POP7: variants seen among roughly 807,000 people sequenced by gnomAD.
POP7 encodes the protein ribonuclease P protein subunit p20.
POP7 carries 5 observed loss-of-function variants against 7.5 expected under a neutral mutation model. The observed-to-expected ratio is 0.66, with a 90% CI of 0.35 to 1.40. The LOEUF is 1.40. Ranked by LOEUF, POP7 falls within the 40% of genes most tolerant of loss-of-function variation. The pLI is 0.04. For missense variants in POP7, 170 were observed against 189.1 expected (o/e 0.90, Z 0.59); for synonymous variants, 85 against 81.6 (o/e 1.04, Z -0.23).
Position 100,707,058 on chromosome 7 carries a change from G to GGCCATCAACCGC in POP7, c.238_249dup (p.Arg80_Asn83dup). 4 of 1,614,074 alleles carry GGCCATCAACCGC rather than the reference G, an allele frequency of 2.5e-6. No homozygotes were observed. Among genetic ancestry groups the GGCCATCAACCGC allele is most frequent in the Non-Finnish European group, 2.5e-6 (3 of 1,180,052 alleles). ...AGATCTACATTCACGGCTTGGGCCT[G>GGCCATCAACCGC]GCCATCAACCGCGCCATCAACATCG... On this transcript the variant is annotated inframe_insertion, in exon 2 of 2. Coordinates refer to ENST00000303151, the MANE Select transcript of POP7 (RefSeq NM_005837.3).
Position 100,707,441 on chromosome 7 carries a change from G to A in POP7, c.*188G>A, listed in dbSNP as rs1002349287. 6.4e-5 allele frequency: 41 copies of A among 641,232 alleles called. No homozygotes were observed. The highest frequency in any genetic ancestry group is 7.9e-5 in the Non-Finnish European group (29 of 366,686). The allele number at this position is 641,232 out of a possible 1,614,324, so 39.7% of individuals were successfully genotyped here. Reference sequence around the variant, plus strand: ...TGGGCCTTCCTGAGTGTGTGTATGCGGTCTGTAACTATTGCCATATAAATA... The same window carrying A: ...TGGGCCTTCCTGAGTGTGTGTATGCAGTCTGTAACTATTGCCATATAAATA... On this transcript the variant is annotated 3_prime_UTR_variant, in exon 2 of 2. Transcript: ENST00000303151.
chr7:100,707,387 G>A lies in POP7; in HGVS notation c.*134G>A. ...CAAAGGACTCTGCATTGAGGGTGGG[G>A]GTAATTGTCTCTTGGTGGGCCCAGT... is the stretch of plus-strand genomic sequence containing the variant. On this transcript the variant is annotated 3_prime_UTR_variant, in exon 2 of 2. Coordinates refer to ENST00000303151, the MANE Select transcript of POP7 (RefSeq NM_005837.3). 9.2e-7 allele frequency: 1 copy of A among 1,088,224 alleles called. No individual in the cohort carries two copies. The highest frequency in any genetic ancestry group is 1.3e-6 in the Non-Finnish European group (1 of 766,294). The allele number at this position is 1,088,224 out of a possible 1,614,324, so 67.4% of individuals were successfully genotyped here.
chr7:100,706,864 G>A lies in POP7; in HGVS notation c.34G>A (p.Glu12Lys). Residue 12 changes from glutamate to lysine, a missense_variant, in exon 2 of 2, where the codon GAG becomes AAG. By Grantham distance (56) the Glu-to-Lys change is moderately conservative. Coordinates refer to ENST00000303151, the MANE Select transcript of POP7 (RefSeq NM_005837.3). ...AAACCGAGAGCCCCGCGGTGCTGTG[G>A]AGGCTGAACTGGATCCAGTGGAATA... is the stretch of plus-strand genomic sequence containing the variant. ...AENREPRGAV[E>K]AELDPVEYTL... 4 of 1,613,936 alleles carry A rather than the reference G, an allele frequency of 2.5e-6. No individual in the cohort carries two copies. Among genetic ancestry groups the A allele is most frequent in the Non-Finnish European group, 2.5e-6 (3 of 1,180,018 alleles).
chr7:100,706,131 C>G lies in POP7; in HGVS notation c.-184C>G, dbSNP rs1053617447. 1 of 152,514 alleles carries G rather than the reference C, an allele frequency of 6.6e-6. No individual in the cohort carries two copies. Among genetic ancestry groups the G allele is most frequent in the African/African-American group, 2.4e-5 (1 of 41,478 alleles). The allele number at this position is 152,514 out of a possible 1,614,324, so 9.4% of individuals were successfully genotyped here. The stretch of plus-strand genomic sequence containing the variant: ...CGGGCGCGCGTGCGCACTCCGCAGC[C>G]CGTTCAGGACCCCGGCGCGGGCAGG... On this transcript the variant is annotated 5_prime_UTR_variant, in exon 1 of 2. Transcript: ENST00000303151.
At position 100,706,911 on chromosome 7, in the gene POP7, C is replaced by G; in HGVS notation, c.81C>G (p.Pro27=). Residue 27 remains proline (P), a synonymous_variant, in exon 2 of 2, where the codon CCC becomes CCG. Transcript: ENST00000303151. ...PVEYTLRKRL[P]SRLPRRPNDI... ...AATACACCCTTAGGAAAAGGCTTCC[C>G]AGCCGCCTGCCCCGGAGACCCAATG... 6.2e-7 allele frequency: 1 copy of G among 1,613,992 alleles called. No homozygotes were observed. The highest frequency in any genetic ancestry group is 1.1e-5 in the South Asian group (1 of 91,076).
rs2131431070 is a variant in POP7 at position 100,706,151 on chromosome 7, GGCAGGGCGCCCACGA to G, written c.-161_-147del. The G allele has an allele frequency of 6.5e-6, 1 of 152,792 alleles. No individual in the cohort carries two copies. Among genetic ancestry groups the G allele is most frequent in the African/African-American group, 2.4e-5 (1 of 41,604 alleles). The allele number at this position is 152,792 out of a possible 1,614,324, so 9.5% of individuals were successfully genotyped here. On this transcript the variant is annotated 5_prime_UTR_variant, in exon 1 of 2. Coordinates refer to ENST00000303151, the MANE Select transcript of POP7 (RefSeq NM_005837.3). ...GCAGCCCGTTCAGGACCCCGGCGCG[GGCAGGGCGCCCACGA>G]GCTGGCTGGCTGCTTGCACCCACAT...
Position 100,707,305 on chromosome 7 carries a change from C to A in POP7, c.*52C>A. Reference sequence around the variant, plus strand: ...CCTCCGTGATATGGCTCTTCGCATGCTGAGTACTGGACCTCGGACCAGAGC... The same window carrying A: ...CCTCCGTGATATGGCTCTTCGCATGATGAGTACTGGACCTCGGACCAGAGC... On this transcript the variant is annotated 3_prime_UTR_variant, in exon 2 of 2. Transcript: ENST00000303151. 1 of 1,560,050 alleles carries A rather than the reference C, an allele frequency of 6.4e-7. No homozygotes were observed.
Position 100,707,318 on chromosome 7 carries a change from C to T in POP7, c.*65C>T. 5 of 1,514,522 alleles carry T rather than the reference C, an allele frequency of 3.3e-6. No homozygotes were observed. In the South Asian group the frequency reaches 5.0e-5, roughly 15 times the overall value. The allele number at this position is 1,514,522 out of a possible 1,614,324, so 93.8% of individuals were successfully genotyped here. On this transcript the variant is annotated 3_prime_UTR_variant, in exon 2 of 2. Coordinates refer to ENST00000303151, the MANE Select transcript of POP7 (RefSeq NM_005837.3). ...GCTCTTCGCATGCTGAGTACTGGAC[C>T]TCGGACCAGAGCCATGTAAGAAAAG...
At position 100,706,898 on chromosome 7, in the gene POP7, G is replaced by T. The variant is rs761545949; in HGVS notation, c.68G>T (p.Arg23Met). 38 of 1,613,970 alleles carry T rather than the reference G, an allele frequency of 2.4e-5. No homozygotes were observed. The highest frequency in any genetic ancestry group is 1.9e-4 in the South Asian group (17 of 91,080). Residue 23 changes from arginine (R) to methionine (M), a missense_variant, in exon 2 of 2, where the codon AGG becomes ATG. By Grantham distance (91) the Arg-to-Met change is moderately conservative (BLOSUM62 -1). Transcript: ENST00000303151. ...CTGGATCCAGTGGAATACACCCTTAGGAAAAGGCTTCCCAGCCGCCTGCCC... is the reference window on the plus strand; with the variant it reads ...CTGGATCCAGTGGAATACACCCTTATGAAAAGGCTTCCCAGCCGCCTGCCC... ...AELDPVEYTLRKRLPSRLPRR... is the reference protein window; with the variant it reads ...AELDPVEYTLMKRLPSRLPRR...
At position 100,707,413 on chromosome 7, in the gene POP7, T is replaced by A; in HGVS notation, c.*160T>A. The A allele has an allele frequency of 1.3e-6, 1 of 797,108 alleles. No homozygotes were observed. Among genetic ancestry groups the A allele is most frequent in the Non-Finnish European group, 2.0e-6 (1 of 502,394 alleles). The allele number at this position is 797,108 out of a possible 1,614,324, so 49.4% of individuals were successfully genotyped here. On this transcript the variant is annotated 3_prime_UTR_variant, in exon 2 of 2. Coordinates refer to ENST00000303151, the MANE Select transcript of POP7 (RefSeq NM_005837.3). ...GTAATTGTCTCTTGGTGGGCCCAGT[T>A]AGTGGGCCTTCCTGAGTGTGTGTAT...
rs751893056 is a variant in POP7, at chr7:100,707,278, C to T, written c.*25C>T. ...ATTGAAAAGACACTCCTCCACTTATCCCCTCCGTGATATGGCTCTTCGCAT... is the reference window on the plus strand; with the variant it reads ...ATTGAAAAGACACTCCTCCACTTATTCCCTCCGTGATATGGCTCTTCGCAT... On this transcript the variant is annotated 3_prime_UTR_variant, in exon 2 of 2. Transcript: ENST00000303151. The T allele has an allele frequency of 6.2e-6, 10 of 1,601,424 alleles. No individual in the cohort carries two copies. The Admixed American group carries it at 1.0e-4, about 16-fold the overall frequency.
At position 100,707,207 on chromosome 7, in the gene POP7, A is replaced by G; in HGVS notation, c.377A>G (p.Asn126Ser). Residue 126 changes from asparagine to serine, a missense_variant, in exon 2 of 2, where the codon AAC becomes AGC. Coordinates refer to ENST00000303151, the MANE Select transcript of POP7 (RefSeq NM_005837.3). ...CGGGAGCCACTGACTCGGATCCGCA[A>G]CAACTCAGCCATCCACATCCGAGTC... ...DTREPLTRIR[N>S]NSAIHIRVFR... The G allele has an allele frequency of 5.0e-6, 8 of 1,614,192 alleles. No individual in the cohort carries two copies. The highest frequency in any genetic ancestry group is 6.8e-6 in the Non-Finnish European group (8 of 1,180,034).
chr7:100,706,741 C>T, intron 1 of POP7, 80 bp from the exon 2 acceptor site: 4 of 1,413,508 alleles, frequency 2.8e-6, no homozygotes, highest in Non-Finnish European at 3.8e-6. Flanking sequence ...CGGCCAGGTG[C>T]ACCCTTTGTA....
chr7:100,706,899 G>A lies in POP7; in HGVS notation c.69G>A (p.Arg23=). ...TGGATCCAGTGGAATACACCCTTAG[G>A]AAAAGGCTTCCCAGCCGCCTGCCCC... ...AELDPVEYTL[R]KRLPSRLPRR... Residue 23 remains arginine, a synonymous_variant, in exon 2 of 2, where the codon AGG becomes AGA. Coordinates refer to ENST00000303151, the MANE Select transcript of POP7 (RefSeq NM_005837.3). 1.9e-6 allele frequency: 3 copies of A among 1,613,942 alleles called. No individual in the cohort carries two copies. The highest frequency in any genetic ancestry group is 2.5e-6 in the Non-Finnish European group (3 of 1,180,030).
rs770343086 is a variant in POP7, at chr7:100,707,196, TC to T, written c.367del (p.Arg123GlyfsTer20). 9.9e-6 allele frequency: 16 copies of T among 1,614,126 alleles called. No homozygotes were observed. The highest frequency in any genetic ancestry group is 1.4e-5 in the Non-Finnish European group (16 of 1,180,018). On this transcript the variant is annotated frameshift_variant, in exon 2 of 2. Transcript: ENST00000303151. LOFTEE classifies it high-confidence loss of function. Reference sequence around the variant, plus strand: ...AGACCGACACACGGGAGCCACTGACTCGGATCCGCAACAACTCAGCCATCCA... The same window carrying T: ...AGACCGACACACGGGAGCCACTGACTGGATCCGCAACAACTCAGCCATCCA... ...PETDTREPLT[R>X]IRNNSAIHIR...
rs1305291104 is a variant in POP7 at position 100,706,916 on chromosome 7, G to T, written c.86G>T (p.Arg29Leu). 10 of 1,613,828 alleles carry T rather than the reference G, an allele frequency of 6.2e-6. No homozygotes were observed. The highest frequency in any genetic ancestry group is 3.3e-4 in the Middle Eastern group (2 of 6,084). ...EYTLRKRLPS[R>L]LPRRPNDIYV... ...ACCCTTAGGAAAAGGCTTCCCAGCC[G>T]CCTGCCCCGGAGACCCAATGACATT... Residue 29 changes from arginine to leucine, a missense_variant, in exon 2 of 2, where the codon CGC becomes CTC. Coordinates refer to ENST00000303151, the MANE Select transcript of POP7 (RefSeq NM_005837.3).
chr7:100,706,481 G>GT, intron 1 of POP7, 177 bp downstream of exon 1: 1 of 240,312 alleles, frequency 4.2e-6, no homozygotes, highest in Non-Finnish European at 8.2e-6. Flanking sequence ...TTTTGTTTTT[G>GT]TTTTTGTTTG....
rs1429304946 is a variant in POP7 at position 100,707,119 on chromosome 7, C to T, written c.289C>T (p.Gln97Ter). 1 of 1,614,172 alleles carries T rather than the reference C, an allele frequency of 6.2e-7. No individual in the cohort carries two copies. Among genetic ancestry groups the T allele is most frequent in the South Asian group, 1.1e-5 (1 of 91,086 alleles). The change falls in exon 2 of 2, where the codon CAG becomes TAG. Residue 97 changes from glutamine to a stop codon, truncating the protein, a stop_gained. Transcript: ENST00000303151. LOFTEE classifies it high-confidence loss of function. ...QLQAGSFGSL[Q>*]VAANTSTVEL... ...GCAGGCGGGCAGCTTCGGGTCCTTG[C>T]AGGTGGCTGCCAATACCTCCACCGT...
rs553143567 is a variant in POP7 at position 100,707,104 on chromosome 7, A to G, written c.274A>G (p.Ser92Gly). The G allele has an allele frequency of 8.6e-5, 139 of 1,614,106 alleles. 1 individual carries two copies. The South Asian group carries it at 1.4e-3, about 17-fold the overall frequency. The change falls in exon 2 of 2, where the codon AGC (serine) becomes GGC (glycine). Residue 92 changes from serine (S) to glycine (G), a missense_variant. Ser to Gly is a moderately conservative substitution (Grantham distance 56). Coordinates refer to ENST00000303151, the MANE Select transcript of POP7 (RefSeq NM_005837.3). ...INIALQLQAG[S>G]FGSLQVAANT... ...CATCGCGCTGCAGCTGCAGGCGGGCAGCTTCGGGTCCTTGCAGGTGGCTGC... is the reference window on the plus strand; with the variant it reads ...CATCGCGCTGCAGCTGCAGGCGGGCGGCTTCGGGTCCTTGCAGGTGGCTGC...
Sources: allele counts gnomAD v4.1 joint callset, GRCh38; gene constraint gnomAD v4.1.1; transcripts MANE v1.5; gene names NCBI Gene and HGNC (gene_info 2026-07-23, HGNC 2026-07-21).